Variants in EIF3M observed in about 807,000 individuals in gnomAD.
EIF3M encodes the protein B5 receptor.
In EIF3M, 25 loss-of-function variants were observed where a neutral mutation model predicts 49.7. The observed-to-expected ratio is 0.50, with a 90% CI of 0.37 to 0.70. EIF3M has a LOEUF of 0.70. Among genes scored for constraint, EIF3M ranks in the 30% least tolerant of loss-of-function variants. The pLI is 0.00. For synonymous variants in EIF3M, 156 were observed against 149.8 expected, an observed-to-expected ratio of 1.04 and a Z score of -0.30; for missense variants, 350 against 440.0, an observed-to-expected ratio of 0.80 and a Z score of 1.83.
chr11:32,590,564 A>T (rs201875), intron 5 of EIF3M, among the ~76,000 whole-genome samples: 71,772 of 151,954 alleles, frequency 0.47, 17,976 homozygotes, highest in African/African-American at 0.62. Flanking sequence ...CCTCATCTGT[A>T]AACCATTGCA....
chr11:32,593,681 C>G (rs905843413), intron 5 of EIF3M, 185 bp from the exon 6 acceptor site: 1 of 385,538 alleles, frequency 2.6e-6, no homozygotes, highest in Admixed American at 4.5e-5. Context: ...TTATTAGTTA[C>G]TTTTCCTTAG....
chr11:32,593,740 A>G (rs1366899114), intron 5 of EIF3M, 126 bp from the exon 6 acceptor site: 1 of 529,106 alleles, frequency 1.9e-6, no homozygotes, highest in Non-Finnish European at 3.0e-6. Context: ...TTTCCCATAG[A>G]CAGGGACTTT....
intron 8 of EIF3M, among the ~76,000 whole-genome samples, chr11:32,597,556 T>C (rs1397037875): frequency 6.6e-6 from 1 of 152,194 alleles, no homozygotes; most frequent in African/African-American, 2.4e-5. Flanking sequence ...AGTAAATGTT[T>C]GTCAAATTGA....
rs1297069484 is a variant in EIF3M, at chr11:32,603,335, A to G, written c.*936A>G. On this transcript the variant is annotated 3_prime_UTR_variant, in exon 11 of 11. Coordinates refer to ENST00000531120, the MANE Select transcript of EIF3M (RefSeq NM_006360.6). ...GGCAGTGAGATATTTGGAAGTTGGCATGTTTTCAAGACACTGTATTGGGTA... is the reference window on the plus strand; with the variant it reads ...GGCAGTGAGATATTTGGAAGTTGGCGTGTTTTCAAGACACTGTATTGGGTA... 4.3e-6 allele frequency: 1 copy of G among 233,812 alleles called. No homozygotes were observed. Among genetic ancestry groups the G allele is most frequent in the Non-Finnish European group, 8.1e-6 (1 of 122,824 alleles). The allele number at this position is 233,812 out of a possible 1,614,324, so 14.5% of individuals were successfully genotyped here.
rs540403057 is a variant in EIF3M at position 32,599,836 on chromosome 11, A to G, written c.800-853A>G. ...GGCCTAGCACTGCTATTTTTTGACT[A>G]TAAGTCCCCATTTAATCTCTTTGCT... On this transcript the variant is annotated intron_variant, in intron 8 of 10. Coordinates refer to ENST00000531120, the MANE Select transcript of EIF3M (RefSeq NM_006360.6). 2.0e-4 allele frequency among the ~76,000 whole-genome samples: 31 copies of G among 151,994 alleles called. No individual in the cohort carries two copies. The South Asian group carries it at 3.1e-3, about 15-fold the overall frequency.
At position 32,605,239 on chromosome 11, in the gene EIF3M, G is replaced by T. The variant is rs1279631676; in HGVS notation, c.*2840G>T. The T allele has an allele frequency of 6.7e-6, 1 of 149,934 alleles. No homozygotes were observed. 9.3% of individuals were successfully genotyped at this position (149,934 alleles called of 1,614,324 possible). A position where few individuals can be genotyped will look rare whatever the true frequency, so the allele number is the denominator to read the frequency against. ...GGCTCCCTAAGGAGTGTTCCTTTTG[G>T]ATTGCTCTGTTTGGCTCCCTCCCTG... On this transcript the variant is annotated 3_prime_UTR_variant, in exon 11 of 11. Transcript: ENST00000531120.
At chr11:32,586,898 T>C (rs1039349218) in intron 1 of EIF3M, 114 bp from the exon 2 acceptor site, 42 of 1,375,138 alleles carry the variant, frequency 3.1e-5, no homozygotes, top group Admixed American at 4.8e-5. Flanking sequence ...TCAACATTAT[T>C]TGAAATAGTT....
At chr11:32,598,294 G>A (rs1021525623) in intron 8 of EIF3M, among the ~76,000 whole-genome samples, 5 of 152,162 alleles carry the variant, frequency 3.3e-5, no homozygotes, top group African/African-American at 1.2e-4. Context: ...AGGGGTCAGT[G>A]ACAATGCAGA....
intron 8 of EIF3M, among the ~76,000 whole-genome samples, chr11:32,599,297 G>T (rs548165281): frequency 1.3e-5 from 2 of 152,082 alleles, no homozygotes; most frequent in Non-Finnish European, 2.9e-5. Flanking sequence ...TGCACTAATT[G>T]ATTTCTTGGC....
At position 32,605,838 on chromosome 11, in the gene EIF3M, T is replaced by C. The variant is rs1855342862; in HGVS notation, c.*3439T>C. 1 of 152,232 alleles carries C rather than the reference T, an allele frequency of 6.6e-6. No homozygotes were observed. The highest frequency in any genetic ancestry group is 6.5e-5 in the Admixed American group (1 of 15,286). 9.4% of individuals were successfully genotyped at this position (152,232 alleles called of 1,614,324 possible). A position where few individuals can be genotyped will look rare whatever the true frequency, so the allele number is the denominator to read the frequency against. ...TTTTCAGATATATTGCCTTGTATCT[T>C]CGTTCTTTCGTCTCCTATCCTTTTT... On this transcript the variant is annotated 3_prime_UTR_variant, in exon 11 of 11. Transcript: ENST00000531120.
chr11:32,588,388 GAAAAAAAAAAAAA>G (rs71463359), intron 2 of EIF3M, among the ~76,000 whole-genome samples, 193 bp from the exon 3 acceptor site: 1 of 93,060 alleles, frequency 1.1e-5, no homozygotes, highest in East Asian at 4.6e-4. Flanking sequence ...GACTTCATCT[GAAAAAAAAAAAAA>G]AAAAAAAAAA....
At position 32,586,754 on chromosome 11, in the gene EIF3M, T is replaced by C. The variant is rs1202762587; in HGVS notation, c.43-258T>C. Among the ~76,000 whole-genome samples, 3 of 152,286 alleles carry C rather than the reference T, an allele frequency of 2.0e-5. No homozygotes were observed. The East Asian group carries it at 5.8e-4, about 29-fold the overall frequency. On this transcript the variant is annotated intron_variant, in intron 1 of 10. Transcript: ENST00000531120. ...GCTGTATGCTGGAAGTCCAGCAGGG[T>C]GCAGACTACATGAGAGAAATTCTGA... is the stretch of plus-strand genomic sequence containing the variant.
At chr11:32,597,453 C>G (rs1855197931) in intron 8 of EIF3M, among the ~76,000 whole-genome samples, 1 of 152,116 alleles carries the variant, frequency 6.6e-6, no homozygotes. Context: ...TGTAATTTTA[C>G]ATGATAGTAA....
chr11:32,594,826 G>A (rs929987248), intron 6 of EIF3M, 88 bp from the exon 7 acceptor site: 38 of 1,230,060 alleles, frequency 3.1e-5, no homozygotes, highest in Middle Eastern at 2.5e-4. Context: ...ATATTTTGCC[G>A]AATTAAGTAT....
intron 2 of EIF3M, among the ~76,000 whole-genome samples, chr11:32,588,375 C>T (rs912614347): frequency 5.6e-4 from 62 of 110,266 alleles, no homozygotes; most frequent in Admixed American, 1.2e-3. Context: ...GGCAAGAGAG[C>T]AAGACTTCAT....
Position 32,583,879 on chromosome 11 carries a change from G to T in EIF3M, c.-9G>T. ...CGAGTGGAGTGTCCGCTGTGCCCGG[G>T]CCTGCACCATGAGCGTCCCGGCCTT... is the stretch of plus-strand genomic sequence containing the variant. On this transcript the variant is annotated 5_prime_UTR_variant, in exon 1 of 11. Coordinates refer to ENST00000531120, the MANE Select transcript of EIF3M (RefSeq NM_006360.6). 1 of 1,613,560 alleles carries T rather than the reference G, an allele frequency of 6.2e-7. No homozygotes were observed. The highest frequency in any genetic ancestry group is 8.5e-7 in the Non-Finnish European group (1 of 1,179,756).
rs188634955 is a variant in EIF3M at position 32,593,966 on chromosome 11, C to T, written c.617+17C>T. 3.4e-5 allele frequency: 51 copies of T among 1,478,896 alleles called. 1 individual carries two copies. The East Asian group carries it at 7.6e-4, about 22-fold the overall frequency. 91.6% of individuals were successfully genotyped at this position (1,478,896 alleles called of 1,614,324 possible). ...TGCCCACAGGTAATGTTAAACGTTA[C>T]TCTGATGAGGGTTTGACAGCGATGT... On this transcript the variant is annotated intron_variant, in intron 6 of 10. Transcript: ENST00000531120.
At chr11:32,590,706 C>T (rs1341016186) in intron 5 of EIF3M, among the ~76,000 whole-genome samples, 2 of 152,164 alleles carry the variant, frequency 1.3e-5, no homozygotes, top group Non-Finnish European at 2.9e-5. Context: ...AGTTGGTTTT[C>T]TTCTTTAGAA....
At chr11:32,590,145 T>C (rs1855077670) in intron 5 of EIF3M, among the ~76,000 whole-genome samples, 1 of 152,216 alleles carries the variant, frequency 6.6e-6, no homozygotes, top group African/African-American at 2.4e-5. Context: ...GCCCGTGTAC[T>C]AAGAATGGTT....
Sources: allele counts gnomAD v4.1 joint callset (sites outside exome capture counted in the v4.1 genomes callset), GRCh38; gene constraint gnomAD v4.1.1; transcripts MANE v1.5; gene names NCBI Gene and HGNC (gene_info 2026-07-23, HGNC 2026-07-21).